STK32A: variants seen among roughly 807,000 people sequenced by gnomAD.
STK32A encodes the protein serine/threonine-protein kinase 32A.
STK32A carries 41 observed loss-of-function variants against 53.2 expected under a neutral mutation model. The ratio of observed to expected loss-of-function variants is 0.77; its 90% CI spans 0.60 to 1.00. The LOEUF (loss-of-function observed/expected upper bound fraction) is 1.00, where lower values mean the gene tolerates loss of function less well. Ranked by LOEUF, STK32A falls within the 50% of genes least tolerant of loss-of-function variation. The pLI, the probability that STK32A is intolerant of heterozygous loss-of-function variation, is 0.00. For synonymous variants in STK32A, 166 were observed against 162.8 expected (o/e 1.02, Z -0.15); for missense variants, 458 against 485.8 (o/e 0.94, Z 0.54).
chr5:147,243,058 T>A (rs1753643143), intron 2 of STK32A, among the ~76,000 whole-genome samples: 3 of 152,184 alleles, frequency 2.0e-5, no homozygotes, highest in Admixed American at 6.5e-5. Flanking sequence ...CCAACTTAAT[T>A]ATTTAAAAAA....
chr5:147,259,955 T>A (rs928440250), intron 2 of STK32A, among the ~76,000 whole-genome samples: 2 of 143,548 alleles, frequency 1.4e-5, no homozygotes, highest in African/African-American at 2.7e-5. Flanking sequence ...CTCTCTCCTC[T>A]CTGTCTCTCT....
At chr5:147,319,344 A>G (rs890845936) in intron 4 of STK32A, among the ~76,000 whole-genome samples, 1 of 151,750 alleles carries the variant, frequency 6.6e-6, no homozygotes, top group East Asian at 1.9e-4. Context: ...GGGTTTCACC[A>G]TGTTAGCCAG....
At chr5:147,271,000 A>ATTT (rs10590732) in intron 2 of STK32A, among the ~76,000 whole-genome samples, 10 of 148,640 alleles carry the variant, frequency 6.7e-5, no homozygotes, top group African/African-American at 2.5e-4. Context: ...ATCATAGATA[A>ATTT]TTTTTTTTTT....
chr5:147,298,697 T>C (rs1441774417), intron 4 of STK32A, among the ~76,000 whole-genome samples: 1 of 152,240 alleles, frequency 6.6e-6, no homozygotes, highest in Non-Finnish European at 1.5e-5. Flanking sequence ...AACTATATTC[T>C]TCTTGGCCAA....
At chr5:147,279,993 C>CA (rs1751976435) in intron 4 of STK32A, among the ~76,000 whole-genome samples, 1 of 152,120 alleles carries the variant, frequency 6.6e-6, no homozygotes, top group African/African-American at 2.4e-5. Flanking sequence ...CACACACCCC[C>CA]ACTGGAGAAG....
intron 2 of STK32A, among the ~76,000 whole-genome samples, chr5:147,258,921 T>TTA (rs1561673496): frequency 2.1e-4 from 32 of 151,886 alleles, no homozygotes; most frequent in Non-Finnish European, 2.6e-4. Flanking sequence ...ATGGCTTTTT[T>TTA]TTATTATTAT....
intron 2 of STK32A, among the ~76,000 whole-genome samples, chr5:147,260,203 T>C (rs1561675202): frequency 1.7e-5 from 1 of 58,320 alleles, no homozygotes; most frequent in Non-Finnish European, 3.3e-5. Context: ...CTCTCTCTCC[T>C]CTCTCTCTCC....
chr5:147,375,112 C>T lies in STK32A; in HGVS notation c.926C>T (p.Pro309Leu). 1 of 1,607,106 alleles carries T rather than the reference C, an allele frequency of 6.2e-7. No homozygotes were observed. The highest frequency in any genetic ancestry group is 1.1e-5 in the South Asian group (1 of 89,300). ...IPNKGRLNCD[P>L]TFELEEMILE... ...CAGAAAGGCAGGCTGAATTGTGATCCTACCTTTGAACTTGAGGAAATGATT... is the reference window on the plus strand; with the variant it reads ...CAGAAAGGCAGGCTGAATTGTGATCTTACCTTTGAACTTGAGGAAATGATT... Residue 309 changes from proline to leucine, a missense_variant, in exon 11 of 13, where the codon CCT (proline) becomes CTT (leucine). Coordinates refer to ENST00000397936, the MANE Select transcript of STK32A (RefSeq NM_001112724.2).
At chr5:147,379,053 G>A (rs1175209476) in intron 11 of STK32A, among the ~76,000 whole-genome samples, 2 of 151,274 alleles carry the variant, frequency 1.3e-5, no homozygotes, top group African/African-American at 2.4e-5. Flanking sequence ...TTCTATCTGG[G>A]AACCTGGAAT....
At chr5:147,364,674 G>T (rs1756667061) in intron 8 of STK32A, among the ~76,000 whole-genome samples, 1 of 152,158 alleles carries the variant, frequency 6.6e-6, no homozygotes. Flanking sequence ...CTGACTTGCA[G>T]ACAGCTTCTT....
At position 147,278,583 on chromosome 5, in the gene STK32A, C is replaced by T. The variant is rs189347945; in HGVS notation, c.108+404C>T. Among the ~76,000 whole-genome samples, 67 of 152,220 alleles carry T rather than the reference C, an allele frequency of 4.4e-4. No individual in the cohort carries two copies. In the East Asian group the frequency reaches 0.013, roughly 28 times the overall value. ...AAGTCACCCGATTTCTATTTGTTTC[C>T]TCATTTGTCTAATGTTTTTATCTTA... On this transcript the variant is annotated intron_variant, in intron 3 of 12. Coordinates refer to ENST00000397936, the MANE Select transcript of STK32A (RefSeq NM_001112724.2).
At position 147,251,553 on chromosome 5, in the gene STK32A, C is replaced by G. The variant is rs1317253767; in HGVS notation, c.52+11867C>G. Among the ~76,000 whole-genome samples the G allele has an allele frequency of 5.3e-5, 8 of 152,296 alleles. No individual in the cohort carries two copies. In the East Asian group the frequency reaches 1.5e-3, roughly 29 times the overall value. On this transcript the variant is annotated intron_variant, in intron 2 of 12. Coordinates refer to ENST00000397936, the MANE Select transcript of STK32A (RefSeq NM_001112724.2). ...ATACCATTTTTTCAGTTATAGCTAT[C>G]TTCCCAGGATGGCCAACCAGAATGC...
intron 6 of STK32A, among the ~76,000 whole-genome samples, chr5:147,345,939 A>G (rs914000961): frequency 1.2e-4 from 18 of 152,232 alleles, no homozygotes; most frequent in Non-Finnish European, 1.6e-4. Context: ...TGAATGGTAC[A>G]GAAGTGAGCA....
chr5:147,397,961 A>C, the STK32A span: 1 of 1,094,364 alleles, frequency 9.1e-7, no homozygotes, highest in Admixed American at 2.9e-5. Flanking sequence ...AGCCAGGAAA[A>C]GCTCACCATG....
At position 147,357,567 on chromosome 5, in the gene STK32A, G is replaced by T. The variant is rs74293382; in HGVS notation, c.563-3950G>T. Among the ~76,000 whole-genome samples, 480 of 151,784 alleles carry T rather than the reference G, an allele frequency of 3.2e-3. 17 individuals carry two copies. The East Asian group carries it at 0.08, about 25-fold the overall frequency. Reference sequence around the variant, plus strand: ...AAATATAATTTCTCATTTTTAATTTGTTGCTGTTTTATGGCCTAGTTTTGA... The same window carrying T: ...AAATATAATTTCTCATTTTTAATTTTTTGCTGTTTTATGGCCTAGTTTTGA... On this transcript the variant is annotated intron_variant, in intron 7 of 12. Coordinates refer to ENST00000397936, the MANE Select transcript of STK32A (RefSeq NM_001112724.2).
At chr5:147,391,473 G>C (rs1382708083), downstream of STK32A, 1 of 152,540 alleles carries the variant, frequency 6.6e-6, no homozygotes, top group African/African-American at 2.4e-5. Flanking sequence ...TGGGGGGATG[G>C]CAGGGGCATC....
At chr5:147,344,947 A>G (rs1036540558) in intron 6 of STK32A, among the ~76,000 whole-genome samples, 1 of 152,148 alleles carries the variant, frequency 6.6e-6, no homozygotes, top group Middle Eastern at 3.2e-3. Flanking sequence ...AAGGCATCCT[A>G]TTCTCCTTCA....
chr5:147,280,684 C>T (rs1430563277), intron 4 of STK32A, among the ~76,000 whole-genome samples: 1 of 151,836 alleles, frequency 6.6e-6, no homozygotes, highest in Non-Finnish European at 1.5e-5. Context: ...CCTGCCCCCA[C>T]CTGATGGTCC....
At chr5:147,276,629 A>G (rs1755271814) in intron 2 of STK32A, among the ~76,000 whole-genome samples, 1 of 152,180 alleles carries the variant, frequency 6.6e-6, no homozygotes, top group Admixed American at 6.6e-5. Flanking sequence ...TAAGCCAGGA[A>G]TTTTCTGAGG....
Sources: gnomAD v4.1 joint callset for allele counts (sites outside exome capture counted in the v4.1 genomes callset) on GRCh38, gnomAD v4.1.1 for gene constraint, MANE v1.5 for transcripts, NCBI Gene and HGNC (gene_info 2026-07-23, HGNC 2026-07-21) for gene names.